SEMA3F: variants seen among roughly 807,000 people sequenced by gnomAD.
The protein encoded by SEMA3F is semaphorin 3F.
Under a neutral mutation model 98.5 loss-of-function variants are expected in SEMA3F, and 30 were observed. The observed-to-expected ratio is 0.30, with a 90% CI of 0.23 to 0.41. The LOEUF (loss-of-function observed/expected upper bound fraction) is 0.41, where lower values mean the gene tolerates loss of function less well. Ranked by LOEUF, SEMA3F falls within the 10% of genes least tolerant of loss-of-function variation. The pLI is 1.00. For synonymous variants in SEMA3F, 380 were observed against 444.8 expected, an observed-to-expected ratio of 0.85 and a Z score of 1.83; for missense variants, 866 against 1,119.3, an observed-to-expected ratio of 0.77 and a Z score of 3.23.
intron 6 of SEMA3F, among the ~76,000 whole-genome samples, chr3:50,176,565 G>A (rs980488722): frequency 1.3e-5 from 2 of 152,086 alleles, no homozygotes; most frequent in Admixed American, 6.5e-5. Flanking sequence ...GGACTAGGAA[G>A]CACCCCCCTT....
intron 12 of SEMA3F, chr3:50,184,245 G>C (rs911984643): frequency 9.0e-6 from 3 of 333,766 alleles, no homozygotes; most frequent in South Asian, 6.6e-5. Flanking sequence ...CTGCAGTCCA[G>C]CTGTGCAGGA....
Position 50,175,349 on chromosome 3 carries a change from G to A in SEMA3F, c.549+161G>A, listed in dbSNP as rs117159692. Among the ~76,000 whole-genome samples the A allele has an allele frequency of 2.6e-5, 4 of 152,326 alleles. No individual in the cohort carries two copies. In the East Asian group the frequency reaches 7.7e-4, roughly 29 times the overall value. On this transcript the variant is annotated intron_variant, in intron 6 of 18. Coordinates refer to ENST00000002829, the MANE Select transcript of SEMA3F (RefSeq NM_004186.5). ...CCTGAAGAGCCCTCAGGCTCAGAAG[G>A]CATGCCCAGCTGGACTCATGTCAGC...
chr3:50,174,380 GC>G (rs754721552), intron 5 of SEMA3F, 30 bp downstream of exon 5: 1 of 1,590,806 alleles, frequency 6.3e-7, no homozygotes, highest in Non-Finnish European at 8.6e-7. Context: ...GCCCTGTGCT[GC>G]CCCCGCTGGT....
In SEMA3F at chr3:50,166,876, T is replaced by C. The variant is rs559879635; in HGVS notation, c.113-6917T>C. 1.6e-3 allele frequency among the ~76,000 whole-genome samples: 236 copies of C among 151,680 alleles called. No individual in the cohort carries two copies. Among genetic ancestry groups the C allele is most frequent in the African/African-American group, 5.5e-3 (228 of 41,348 alleles). ...AGGTGGTGGAGGAAGGAGTGAGGGG[T>C]TTCCGGGCCAGGTCTGGAATGTGGG... On this transcript the variant is annotated intron_variant, in intron 2 of 18. Coordinates refer to ENST00000002829, the MANE Select transcript of SEMA3F (RefSeq NM_004186.5). The surrounding 1 kb of genome is among the most constrained non-coding windows in gnomAD (Gnocchi z 4.7).
At chr3:50,168,701 G>A (rs1698497175) in intron 2 of SEMA3F, among the ~76,000 whole-genome samples, 1 of 152,160 alleles carries the variant, frequency 6.6e-6, no homozygotes, top group South Asian at 2.1e-4. Context: ...GCTCCTCACA[G>A]CTTTGGGGGA....
intron 7 of SEMA3F, among the ~76,000 whole-genome samples, chr3:50,179,058 C>T (rs892958994): frequency 6.6e-5 from 10 of 151,950 alleles, no homozygotes; most frequent in South Asian, 6.2e-4. Flanking sequence ...CTCCTGACCT[C>T]GTGATCCACC....
chr3:50,157,582 C>G (rs952457927), intron 1 of SEMA3F, among the ~76,000 whole-genome samples: 1 of 152,172 alleles, frequency 6.6e-6, no homozygotes, highest in East Asian at 1.9e-4. Context: ...CTTTCCCTCT[C>G]TGTCCTTCTT....
intron 7 of SEMA3F, among the ~76,000 whole-genome samples, chr3:50,179,328 C>CTT (rs112950022): frequency 3.6e-5 from 5 of 137,564 alleles, no homozygotes; most frequent in South Asian, 2.4e-4. Context: ...TTCTTTCTTT[C>CTT]TTTTTTTTTT....
chr3:50,184,272 C>T (rs1024835668), intron 12 of SEMA3F: 26 of 411,610 alleles, frequency 6.3e-5, no homozygotes, highest in Non-Finnish European at 1.2e-4. Flanking sequence ...CGGGTGAGAC[C>T]CTAGGAACAA....
Position 50,182,981 on chromosome 3 carries a change from G to T in SEMA3F, c.981G>T (p.Pro327=). The change falls in exon 10 of 19, where the codon CCG becomes CCT. Residue 327 remains proline (P), a synonymous_variant. Coordinates refer to ENST00000002829, the MANE Select transcript of SEMA3F (RefSeq NM_004186.5). The surrounding 1 kb of genome is among the most constrained non-coding windows in gnomAD (Gnocchi z 4.5). ...FLKARLVCSV[P]GEDGIETHFD... is the part of the protein sequence containing the mutation. ...AGGCGCGGCTCGTCTGCTCTGTCCC[G>T]GGCGAGGATGGCATTGAGACTCACT... 6.2e-7 allele frequency: 1 copy of T among 1,613,856 alleles called. No individual in the cohort carries two copies.
At position 50,182,281 on chromosome 3, in the gene SEMA3F, C is replaced by T; in HGVS notation, c.644-3C>T. 1.2e-6 allele frequency: 2 copies of T among 1,614,122 alleles called. No individual in the cohort carries two copies. The highest frequency in any genetic ancestry group is 2.2e-5 in the South Asian group (2 of 91,082). The stretch of plus-strand genomic sequence containing the variant: ...CCCAACTGACCCACTGGCCTACCCA[C>T]AGATGAGGAGCTCTATGCTGGTGTG... On this transcript the variant is annotated splice_region_variant and splice_polypyrimidine_tract_variant and intron_variant, in intron 7 of 18. Transcript: ENST00000002829. The surrounding 1 kb of genome is among the most constrained non-coding windows in gnomAD (Gnocchi z 4.5).
intron 2 of SEMA3F, among the ~76,000 whole-genome samples, chr3:50,160,759 G>A (rs895032738): frequency 2.0e-5 from 3 of 152,222 alleles, no homozygotes; most frequent in Non-Finnish European, 2.9e-5. Context: ...CGGGCTTGGC[G>A]GAGGCCCAGC....
chr3:50,180,631 C>G (rs943580440), intron 7 of SEMA3F, among the ~76,000 whole-genome samples: 15 of 152,164 alleles, frequency 9.9e-5, no homozygotes, highest in South Asian at 2.1e-4. Context: ...GTGGAGCAGT[C>G]AGAACACACA....
chr3:50,184,468 G>A (rs1156667198), intron 12 of SEMA3F, 124 bp from the exon 13 acceptor site: 1 of 709,474 alleles, frequency 1.4e-6, no homozygotes. Flanking sequence ...TTGGAGAGCG[G>A]GTTTGGGGAG....
At chr3:50,183,150 A>T (rs780021478) in intron 10 of SEMA3F, 36 bp from the exon 11 acceptor site, 5 of 1,605,666 alleles carry the variant, frequency 3.1e-6, no homozygotes, top group African/African-American at 2.7e-5. Flanking sequence ...GCTCCCGCCC[A>T]TGGCACCCTC....
intron 2 of SEMA3F, among the ~76,000 whole-genome samples, chr3:50,161,740 C>G (rs1698216199): frequency 6.6e-6 from 1 of 152,224 alleles, no homozygotes; most frequent in Admixed American, 6.5e-5. Flanking sequence ...ATAGGGTGCT[C>G]ACAGTCAAGC....
chr3:50,157,246 G>A (rs1157887029), intron 1 of SEMA3F, among the ~76,000 whole-genome samples: 2 of 151,816 alleles, frequency 1.3e-5, no homozygotes, highest in African/African-American at 2.4e-5. Flanking sequence ...AGGTGCCTCC[G>A]GACTCCTTCC....
intron 1 of SEMA3F, among the ~76,000 whole-genome samples, chr3:50,157,035 A>G (rs1698011822): frequency 6.6e-6 from 1 of 151,970 alleles, no homozygotes; most frequent in Non-Finnish European, 1.5e-5. Context: ...GGGGCTGGGT[A>G]GCGGGTGGGG....
At chr3:50,186,987 G>T (rs1041823730) in intron 18 of SEMA3F, among the ~76,000 whole-genome samples, 5 of 152,166 alleles carry the variant, frequency 3.3e-5, no homozygotes, top group African/African-American at 1.2e-4. Flanking sequence ...ATACCACATT[G>T]GGGGTGTACC....
Sources: gnomAD v4.1 joint callset for allele counts (sites outside exome capture counted in the v4.1 genomes callset) on GRCh38, gnomAD v4.1.1 for gene constraint, Gnocchi (gnomAD v3.1) non-coding constraint, MANE v1.5 for transcripts, NCBI Gene and HGNC (gene_info 2026-07-23, HGNC 2026-07-21) for gene names.